KCNMA1: variants seen among roughly 807,000 people sequenced by gnomAD.
KCNMA1 encodes Calcium-activated potassium channel subunit alpha-1.
KCNMA1 carries 29 observed loss-of-function variants against 140.0 expected under a neutral mutation model. The ratio of observed to expected loss-of-function variants is 0.21; its 90% CI spans 0.15 to 0.28. The LOEUF is 0.28. KCNMA1 is among the 10% of genes least tolerant of loss of function. KCNMA1 has a pLI of 1.00. For missense variants in KCNMA1, 880 were observed against 1,602.2 expected, an observed-to-expected ratio of 0.55 and a Z score of 7.70; for synonymous variants, 612 against 611.9, an observed-to-expected ratio of 1.00 and a Z score of 0.00.
At chr10:77,167,959 A>G (rs2098662252) in intron 5 of KCNMA1, among the ~76,000 whole-genome samples, 1 of 152,138 alleles carries the variant, frequency 6.6e-6, no homozygotes, top group South Asian at 2.1e-4. Flanking sequence ...CTGGGATTAC[A>G]GGCATGAGCT....
intron 1 of KCNMA1, among the ~76,000 whole-genome samples, chr10:77,621,876 G>A (rs2091493761): frequency 1.3e-5 from 2 of 152,114 alleles, no homozygotes; most frequent in African/African-American, 2.4e-5. Flanking sequence ...CCAGGAGGTG[G>A]AGGTTTTAGA....
At chr10:77,101,563 CT>C (rs1433768308) in intron 9 of KCNMA1, among the ~76,000 whole-genome samples, 1 of 152,094 alleles carries the variant, frequency 6.6e-6, no homozygotes, top group Non-Finnish European at 1.5e-5. Context: ...TAATTTATGG[CT>C]TTTAAAATCT....
At chr10:77,501,285 T>C (rs1484352689) in intron 1 of KCNMA1, among the ~76,000 whole-genome samples, 2 of 152,208 alleles carry the variant, frequency 1.3e-5, no homozygotes, top group Non-Finnish European at 2.9e-5. Flanking sequence ...GTGTGAGCAC[T>C]CATTGATGGC....
chr10:77,459,763 A>C (rs2097827118), intron 1 of KCNMA1, among the ~76,000 whole-genome samples: 1 of 152,216 alleles, frequency 6.6e-6, no homozygotes, highest in African/African-American at 2.4e-5. Context: ...GCCAGAACAC[A>C]GACTCTCTGG....
At chr10:77,314,501 C>T (rs1428226750) in intron 2 of KCNMA1, among the ~76,000 whole-genome samples, 1 of 152,178 alleles carries the variant, frequency 6.6e-6, no homozygotes, top group African/African-American at 2.4e-5. Context: ...TCAATTGCGC[C>T]CCTGCTGAAT....
chr10:76,975,685 T>C (rs1225785577), intron 19 of KCNMA1, among the ~76,000 whole-genome samples: 5 of 152,148 alleles, frequency 3.3e-5, no homozygotes, highest in Admixed American at 1.3e-4. Flanking sequence ...TTAAAGTGGG[T>C]GATGTCCTTG....
At chr10:77,523,464 G>A (rs1027506323) in intron 1 of KCNMA1, among the ~76,000 whole-genome samples, 3 of 152,222 alleles carry the variant, frequency 2.0e-5, no homozygotes, top group African/African-American at 7.2e-5. Flanking sequence ...ATGCAAGCCT[G>A]GTAACCTCTA....
intron 1 of KCNMA1, among the ~76,000 whole-genome samples, chr10:77,578,517 G>A (rs550702364): frequency 1.3e-5 from 2 of 152,338 alleles, no homozygotes; most frequent in East Asian, 1.9e-4. Context: ...AGCCCCCAAC[G>A]AGGGAGGAGG....
chr10:77,403,282 A>G (rs1033149567), intron 2 of KCNMA1, among the ~76,000 whole-genome samples: 4 of 152,198 alleles, frequency 2.6e-5, no homozygotes, highest in African/African-American at 9.6e-5. Context: ...AAAAGGGCAC[A>G]CAAGCGAGCT....
rs1243874984 is a variant in KCNMA1 at position 77,161,414 on chromosome 10, C to CT, written c.808+22006dup. On this transcript the variant is annotated intron_variant, in intron 5 of 27. Transcript: ENST00000286628. ...AGGCATAAGCCACCACGCCCAACTACTTTTTTTTTTTGTAGGGATGGGGTC... is the reference window on the plus strand; with the variant it reads ...AGGCATAAGCCACCACGCCCAACTACTTTTTTTTTTTTGTAGGGATGGGGTC... 4.3e-3 allele frequency among the ~76,000 whole-genome samples: 635 copies of CT among 147,378 alleles called. 6 individuals carry two copies. Among genetic ancestry groups the CT allele is most frequent in the East Asian group, 0.016 (80 of 5,060 alleles).
chr10:77,301,260 A>G (rs1021140045), intron 2 of KCNMA1, among the ~76,000 whole-genome samples: 8 of 152,200 alleles, frequency 5.3e-5, no homozygotes, highest in African/African-American at 1.9e-4. Context: ...CCTCAAATGG[A>G]GTCCTTCTTC....
intron 19 of KCNMA1, among the ~76,000 whole-genome samples, chr10:76,997,086 G>C (rs2084629917): frequency 6.6e-6 from 1 of 152,064 alleles, no homozygotes; most frequent in Admixed American, 6.6e-5. Flanking sequence ...TAGTTCTATT[G>C]ACAATGTTAA....
intron 16 of KCNMA1, among the ~76,000 whole-genome samples, chr10:77,027,292 G>A (rs137994007): frequency 6.6e-6 from 1 of 152,182 alleles, no homozygotes; most frequent in Non-Finnish European, 1.5e-5. Flanking sequence ...TCCTGCCTCT[G>A]AGCTCCACTC....
chr10:77,111,550 G>A (rs1215039409), intron 7 of KCNMA1, among the ~76,000 whole-genome samples: 2 of 152,176 alleles, frequency 1.3e-5, no homozygotes, highest in African/African-American at 4.8e-5. Context: ...AGCATTAAGG[G>A]CTGGGCAGGA....
chr10:77,387,872 C>A (rs544549892), intron 2 of KCNMA1, among the ~76,000 whole-genome samples: 8 of 152,326 alleles, frequency 5.3e-5, no homozygotes, highest in African/African-American at 1.9e-4. Flanking sequence ...CCTGCCTTGG[C>A]CTCCCAAAGT....
intron 1 of KCNMA1, among the ~76,000 whole-genome samples, chr10:77,472,650 GTCTGATTTTCCCACATCTAAAAATTA>G (rs1350318235): frequency 1.3e-5 from 2 of 152,348 alleles, no homozygotes; most frequent in African/African-American, 4.8e-5. Context: ...ATCTTCTAGA[GTCTGATTTTCCCACATCTAAAAATTA>G]TTTCTTTTTA....
intron 5 of KCNMA1, 69 bp from the exon 6 acceptor site, chr10:77,121,117 T>G (rs2097581859): frequency 1.9e-6 from 2 of 1,036,524 alleles, no homozygotes; most frequent in East Asian, 4.8e-5. Flanking sequence ...AGTCTGCCAT[T>G]TGATTTACAG....
intron 23 of KCNMA1, among the ~76,000 whole-genome samples, chr10:76,938,029 G>C (rs555845249): frequency 6.6e-6 from 1 of 151,910 alleles, no homozygotes; most frequent in Non-Finnish European, 1.5e-5. Context: ...CCCTCCCCTG[G>C]GACATTCGGG....
chr10:77,216,369 G>C (rs2047792438), intron 3 of KCNMA1, among the ~76,000 whole-genome samples: 1 of 151,980 alleles, frequency 6.6e-6, no homozygotes, highest in African/African-American at 2.4e-5. Context: ...AAGAAGAAGG[G>C]GGGAAGAGGA....
Sources: allele counts gnomAD v4.1 joint callset (sites outside exome capture counted in the v4.1 genomes callset), GRCh38; gene constraint gnomAD v4.1.1; transcripts MANE v1.5; gene names NCBI Gene and HGNC (gene_info 2026-07-23, HGNC 2026-07-21).